Variants in HECW1 observed in about 807,000 individuals in gnomAD.
HECW1 encodes HECT, C2 and WW domain containing E3 ubiquitin protein ligase 1.
Under a neutral mutation model 182.3 loss-of-function variants are expected in HECW1, and 61 were observed. That is an observed-to-expected ratio of 0.33 (90% CI 0.27 to 0.41). The LOEUF (loss-of-function observed/expected upper bound fraction) is 0.41. HECW1 is among the 10% of genes least tolerant of loss of function. The pLI, the probability that HECW1 is intolerant of heterozygous loss-of-function variation, is 1.00. For synonymous variants in HECW1, 859 were observed against 832.6 expected (o/e 1.03, Z -0.55); for missense variants, 1,739 against 2,108.9 (o/e 0.82, Z 3.44).
chr7:43,189,599 AAAAG>A (rs201003568), intron 2 of HECW1, among the ~76,000 whole-genome samples: 1,647 of 152,154 alleles, frequency 0.011, 31 homozygotes, highest in African/African-American at 0.037. Context: ...CACATTAAAA[AAAAG>A]AAAGAGAGAA....
intron 6 of HECW1, among the ~76,000 whole-genome samples, chr7:43,365,499 G>A (rs1816527977): frequency 6.6e-6 from 1 of 152,218 alleles, no homozygotes; most frequent in Non-Finnish European, 1.5e-5. Context: ...GACTTCTCTA[G>A]ATTTAGAGGC....
chr7:43,526,977 G>A (rs751866745), intron 24 of HECW1, among the ~76,000 whole-genome samples: 2 of 152,182 alleles, frequency 1.3e-5, no homozygotes, highest in Non-Finnish European at 2.9e-5. Flanking sequence ...CTGGGCAACA[G>A]AGTGAGACTC....
chr7:43,356,379 A>C (rs187497004), intron 5 of HECW1, among the ~76,000 whole-genome samples: 28 of 152,330 alleles, frequency 1.8e-4, no homozygotes, highest in Admixed American at 1.6e-3. Context: ...ATATCTATGC[A>C]CCCAACACCA....
intron 7 of HECW1, among the ~76,000 whole-genome samples, chr7:43,399,980 A>G (rs1371573044): frequency 6.6e-6 from 1 of 152,216 alleles, no homozygotes; most frequent in Non-Finnish European, 1.5e-5. Context: ...TCATACCTAT[A>G]ATCCCAGCAC....
intron 2 of HECW1, among the ~76,000 whole-genome samples, chr7:43,174,201 T>C (rs1791985896): frequency 1.3e-5 from 2 of 152,126 alleles, no homozygotes; most frequent in South Asian, 2.1e-4. Context: ...TAAATATCCC[T>C]GCTACATAAG....
At chr7:43,274,909 TA>T (rs1211344077) in intron 3 of HECW1, among the ~76,000 whole-genome samples, 1 of 152,086 alleles carries the variant, frequency 6.6e-6, no homozygotes, top group African/African-American at 2.4e-5. Flanking sequence ...CCTATCATAT[TA>T]AAAAAATTAA....
intron 16 of HECW1, 152 bp downstream of exon 16, chr7:43,469,257 A>C (rs2077917083): frequency 1.3e-6 from 1 of 747,340 alleles, no homozygotes; most frequent in Non-Finnish European, 2.2e-6. Flanking sequence ...AACCACCCAC[A>C]TCTGGGTTTC....
intron 2 of HECW1, among the ~76,000 whole-genome samples, chr7:43,237,140 AGTAGGTAGGTAGGTAG>A (rs71008898): frequency 0.034 from 4,613 of 133,930 alleles, 238 homozygotes; most frequent in African/African-American, 0.094. Context: ...GAAGGAAGGA[AGTAGGTAGGTAGGTAG>A]GTAGGTAGGT....
At chr7:43,121,481 C>T (rs186155201) in intron 2 of HECW1, among the ~76,000 whole-genome samples, 209 of 152,246 alleles carry the variant, frequency 1.4e-3, no homozygotes, top group African/African-American at 4.9e-3. Context: ...ATCATTTTCC[C>T]ATTTCTCCCA....
intron 3 of HECW1, among the ~76,000 whole-genome samples, chr7:43,293,144 C>T (rs888931645): frequency 4.9e-5 from 7 of 142,532 alleles, no homozygotes; most frequent in African/African-American, 1.1e-4. Context: ...CGCTTGAACC[C>T]GGGAGGCGGA....
At chr7:43,321,518 G>A (rs1810111407) in intron 5 of HECW1, among the ~76,000 whole-genome samples, 1 of 152,134 alleles carries the variant, frequency 6.6e-6, no homozygotes, top group African/African-American at 2.4e-5. Flanking sequence ...GGAATGCACA[G>A]CTTACCTTCA....
chr7:43,440,502 T>G (rs991818495), intron 9 of HECW1: 3 of 152,218 alleles, frequency 2.0e-5, no homozygotes, highest in Non-Finnish European at 4.4e-5. Context: ...CATAAGCTAT[T>G]TAAAGGCAGG....
intron 8 of HECW1, among the ~76,000 whole-genome samples, chr7:43,419,157 T>C (rs1488280911): frequency 1.3e-5 from 2 of 152,236 alleles, no homozygotes; most frequent in African/African-American, 4.8e-5. Context: ...CTGGTGGTGC[T>C]GGTTGCCCCA....
chr7:43,324,611 C>T (rs1038164938), intron 5 of HECW1, among the ~76,000 whole-genome samples: 9 of 152,154 alleles, frequency 5.9e-5, no homozygotes, highest in Non-Finnish European at 7.4e-5. Flanking sequence ...CAAAGGGTTA[C>T]AGAAGCTTCT....
At position 43,445,158 on chromosome 7, in the gene HECW1, C is replaced by T; in HGVS notation, c.1986C>T (p.Pro662=). ...CCGGGAGCGAGAGCGACTCCAGCCC[C>T]AGGCAAGGCGGGGACCACAGTTGCG... ...PSTGSESDSS[P]RQGGDHSCEG... Residue 662 remains proline, a synonymous_variant, in exon 11 of 30, where the codon CCC becomes CCT. Coordinates refer to ENST00000395891, the MANE Select transcript of HECW1 (RefSeq NM_015052.5). 6.2e-7 allele frequency: 1 copy of T among 1,611,190 alleles called. No individual in the cohort carries two copies. Among genetic ancestry groups the T allele is most frequent in the Non-Finnish European group, 8.5e-7 (1 of 1,178,750 alleles).
intron 2 of HECW1, among the ~76,000 whole-genome samples, chr7:43,121,419 G>A (rs2152604473): frequency 6.6e-6 from 1 of 152,224 alleles, no homozygotes; most frequent in East Asian, 1.9e-4. Flanking sequence ...TGTAGGCCTT[G>A]GCCAGCTCAT....
chr7:43,151,437 A>C (rs1789315083), intron 2 of HECW1, among the ~76,000 whole-genome samples: 1 of 152,250 alleles, frequency 6.6e-6, no homozygotes, highest in Non-Finnish European at 1.5e-5. Context: ...GCAGCAGATC[A>C]GATGGGTTGG....
intron 2 of HECW1, among the ~76,000 whole-genome samples, chr7:43,239,663 C>A (rs1010730682): frequency 6.6e-6 from 1 of 152,252 alleles, no homozygotes; most frequent in Non-Finnish European, 1.5e-5. Context: ...TTGACAGTCA[C>A]AATGATAGTC....
intron 3 of HECW1, among the ~76,000 whole-genome samples, chr7:43,287,343 G>A (rs1804780703): frequency 6.6e-6 from 1 of 152,034 alleles, no homozygotes; most frequent in Admixed American, 6.6e-5. Context: ...GGCAGTGGGA[G>A]TAGGGAGTGC....
Sources: gnomAD v4.1 joint callset for allele counts (sites outside exome capture counted in the v4.1 genomes callset) on GRCh38, gnomAD v4.1.1 for gene constraint, MANE v1.5 for transcripts, NCBI Gene and HGNC (gene_info 2026-07-23, HGNC 2026-07-21) for gene names.